BOP1: variants seen among roughly 807,000 people sequenced by gnomAD.
BOP1 encodes the protein ribosome biogenesis protein BOP1.
Under a neutral mutation model 82.9 loss-of-function variants are expected in BOP1, and 54 were observed. The ratio of observed to expected loss-of-function variants is 0.65; its 90% confidence interval spans 0.52 to 0.82. The LOEUF (loss-of-function observed/expected upper bound fraction) is 0.82, where lower values mean the gene tolerates loss of function less well. Ranked by LOEUF, BOP1 falls within the 40% of genes least tolerant of loss-of-function variation. The pLI, the probability that BOP1 is intolerant of heterozygous loss-of-function variation, is 0.00. For missense variants in BOP1, 1,170 were observed against 1,072.0 expected (o/e 1.09, Z -1.28); for synonymous variants, 566 against 451.1 (o/e 1.25, Z -3.23).
At chr8:144,270,201 G>A (rs976084583) in intron 3 of BOP1, among the ~76,000 whole-genome samples, 46 of 152,332 alleles carry the variant, frequency 3.0e-4, no homozygotes, top group African/African-American at 1.1e-3. Context: ...GGACAGGGCA[G>A]AGCCAGCTCA....
Position 144,264,824 on chromosome 8 carries a change from C to T in BOP1, c.553G>A (p.Val185Met), listed in dbSNP as rs1361900160. The change falls in exon 5 of 16, where the codon GTG (valine) becomes ATG (methionine). Residue 185 changes from valine to methionine, a missense_variant. Physicochemically the swap from Val to Met is conservative, Grantham distance 21. Coordinates refer to ENST00000569669, the MANE Select transcript of BOP1 (RefSeq NM_015201.5). ...TCCCGCCCTGTCATCGGGTCCTGCA[C>T]GGTGCGCCTGGAGACCGCCAGTCAG... is the stretch of plus-strand genomic sequence containing the variant. ...KMDDPDYWRT[V>M]QDPMTGRDLR... 2.6e-5 allele frequency: 42 copies of T among 1,609,128 alleles called. No homozygotes were observed. Among genetic ancestry groups the T allele is most frequent in the South Asian group, 1.4e-4 (13 of 90,816 alleles).
intron 2 of BOP1, among the ~76,000 whole-genome samples, chr8:144,288,242 C>T (rs1423172950): frequency 2.0e-5 from 3 of 150,164 alleles, no homozygotes; most frequent in Admixed American, 1.3e-4. Flanking sequence ...TGCACTCCAG[C>T]CTGGGCAACA....
In BOP1 at chr8:144,291,333, G is replaced by A. The variant is rs1250757615; in HGVS notation, c.38C>T (p.Pro13Leu). 1 of 1,419,094 alleles carries A rather than the reference G, an allele frequency of 7.0e-7. No individual in the cohort carries two copies. The highest frequency in any genetic ancestry group is 9.2e-7 in the Non-Finnish European group (1 of 1,083,460). 87.9% of individuals were successfully genotyped at this position (1,419,094 alleles called of 1,614,324 possible). Residue 13 changes from proline (P) to leucine (L), a missense_variant, in exon 1 of 16, where the codon CCG (proline) becomes CTG (leucine). Coordinates refer to ENST00000569669, the MANE Select transcript of BOP1 (RefSeq NM_015201.5). The surrounding 1 kb of genome is among the most constrained non-coding windows in gnomAD (Gnocchi z 4.1). ...GSRGAGRTAA[P>L]SVRPEKRRSE... ...CCGCCGCTTCTCCGGCCGCACGCTC[G>A]GCGCCGCCGTGCGCCCCGCACCCCG...
chr8:144,271,799 C>T (rs1588596142), intron 3 of BOP1, among the ~76,000 whole-genome samples: 1 of 152,294 alleles, frequency 6.6e-6, no homozygotes, highest in African/African-American at 2.4e-5. Context: ...CCAGCCCAGA[C>T]GCCCTCAGCT....
intron 3 of BOP1, among the ~76,000 whole-genome samples, chr8:144,274,353 C>T (rs1007829408): frequency 7.9e-5 from 12 of 152,200 alleles, no homozygotes; most frequent in Admixed American, 2.6e-4. Context: ...GGCTGCCTGA[C>T]GGGCCCTGCT....
chr8:144,265,120 C>G, intron 3 of BOP1, 49 bp from the exon 4 acceptor site: 1 of 1,581,486 alleles, frequency 6.3e-7, no homozygotes, highest in Non-Finnish European at 8.6e-7. Flanking sequence ...AAGGCCCACC[C>G]CCGCTTCGGG....
chr8:144,262,948 C>T lies in BOP1; in HGVS notation c.1799G>A (p.Arg600His), dbSNP rs1287824983. 2.3e-5 allele frequency: 36 copies of T among 1,546,510 alleles called. No homozygotes were observed. The highest frequency in any genetic ancestry group is 1.5e-4 in the Admixed American group (8 of 52,344). ...ARPFLLVASQ[R>H]SVRLYHLLRQ... ...CAGCAGGTGGTAGAGGCGGACGCTG[C>T]GCTGGGACGCCACCAACAGGAAGGG... The change falls in exon 13 of 16, where the codon CGC becomes CAC. Residue 600 changes from arginine (R) to histidine (H), a missense_variant. Coordinates refer to ENST00000569669, the MANE Select transcript of BOP1 (RefSeq NM_015201.5).
In BOP1 at chr8:144,276,244, C is replaced by G; in HGVS notation, c.370G>C (p.Glu124Gln). The G allele has an allele frequency of 6.2e-7, 1 of 1,613,596 alleles. No homozygotes were observed. Among genetic ancestry groups the G allele is most frequent in the Non-Finnish European group, 8.5e-7 (1 of 1,179,822 alleles). Residue 124 changes from glutamate to glutamine, a missense_variant, in exon 3 of 16, where the codon GAG becomes CAG. Glu to Gln is a conservative substitution (Grantham distance 29). Coordinates refer to ENST00000569669, the MANE Select transcript of BOP1 (RefSeq NM_015201.5). ...CCTACCTCCTCATCAGAGCTGTCCT[C>G]CGCATACTCATCCCCAATCCGGGCG... is the stretch of plus-strand genomic sequence containing the variant. ...ASARIGDEYA[E>Q]DSSDEEDIRN...
Position 144,264,037 on chromosome 8 carries a change from C to A in BOP1, c.1084G>T (p.Glu362Ter). The A allele has an allele frequency of 1.2e-6, 2 of 1,609,750 alleles. No individual in the cohort carries two copies. The highest frequency in any genetic ancestry group is 8.5e-7 in the Non-Finnish European group (1 of 1,179,792). ...AVPAYGRFIQ[E>*]RFERCLDLYL... ...AGGTCAAGGCAGCGCTCGAAGCGTT[C>A]CTGGATGAAGCGTCCGTAGGCAGGC... is the stretch of plus-strand genomic sequence containing the variant. Residue 362 changes from glutamate (E) to a stop codon, truncating the protein, a stop_gained, in exon 8 of 16, where the codon GAA (glutamate) becomes TAA (stop). Coordinates refer to ENST00000569669, the MANE Select transcript of BOP1 (RefSeq NM_015201.5). LOFTEE classifies it high-confidence loss of function.
intron 2 of BOP1, among the ~76,000 whole-genome samples, chr8:144,283,744 G>A (rs782390975): frequency 5.3e-5 from 8 of 152,258 alleles, no homozygotes; most frequent in Non-Finnish European, 1.2e-4. Context: ...GGCTGGTGGT[G>A]GGAAAGCAGC....
At position 144,263,973 on chromosome 8, in the gene BOP1, C is replaced by A; in HGVS notation, c.1140+8G>T. ...GTGCCACCCCCCTGGTGTGCCACCC[C>A]CACACACCCTCATCTTGCGCTGCCG... is the stretch of plus-strand genomic sequence containing the variant. On this transcript the variant is annotated splice_region_variant and intron_variant, in intron 8 of 15. Coordinates refer to ENST00000569669, the MANE Select transcript of BOP1 (RefSeq NM_015201.5). 6.2e-7 allele frequency: 1 copy of A among 1,610,880 alleles called. No homozygotes were observed. Among genetic ancestry groups the A allele is most frequent in the Non-Finnish European group, 8.5e-7 (1 of 1,179,724 alleles).
intron 3 of BOP1, among the ~76,000 whole-genome samples, chr8:144,270,300 G>C (rs1263248496): frequency 6.6e-6 from 1 of 152,158 alleles, no homozygotes; most frequent in Non-Finnish European, 1.5e-5. Context: ...GGGAGTGCAG[G>C]GGAAAGAGAC....
intron 2 of BOP1, among the ~76,000 whole-genome samples, chr8:144,282,726 C>A (rs1384580284): frequency 6.6e-6 from 1 of 152,072 alleles, no homozygotes; most frequent in East Asian, 1.9e-4. Context: ...CCTCTGACCA[C>A]CCCCCAGACA....
chr8:144,262,488 A>G lies in BOP1; in HGVS notation c.1995T>C (p.Ala665=), dbSNP rs1845226699. 1.2e-6 allele frequency: 2 copies of G among 1,612,534 alleles called. No homozygotes were observed. The highest frequency in any genetic ancestry group is 1.3e-5 in the African/African-American group (1 of 74,840). ...PYRMLRHHKK[A]LRAVAFHPRY... is the part of the protein sequence containing the mutation. ...GCGGGTGGAAGGCCACAGCCCGCAGAGCCTTCTTGTGGTGTCTGGGGGGAG... is the reference window on the plus strand; with the variant it reads ...GCGGGTGGAAGGCCACAGCCCGCAGGGCCTTCTTGTGGTGTCTGGGGGGAG... The change falls in exon 15 of 16, where the codon GCT becomes GCC. Residue 665 remains alanine, a synonymous_variant. Coordinates refer to ENST00000569669, the MANE Select transcript of BOP1 (RefSeq NM_015201.5).
At chr8:144,280,158 A>C (rs1331864309) in intron 2 of BOP1, among the ~76,000 whole-genome samples, 8 of 152,186 alleles carry the variant, frequency 5.3e-5, no homozygotes, top group African/African-American at 1.7e-4. Context: ...TGACTCCCCC[A>C]TGGGGGCCAA....
intron 2 of BOP1, 71 bp downstream of exon 2, chr8:144,289,024 G>A: frequency 6.6e-7 from 1 of 1,517,230 alleles, no homozygotes; most frequent in Non-Finnish European, 9.1e-7. Context: ...GCAGTACAGT[G>A]GCAGTCTCAG....
At chr8:144,279,074 G>A (rs1039511657) in intron 2 of BOP1, among the ~76,000 whole-genome samples, 1 of 103,678 alleles carries the variant, frequency 9.6e-6, no homozygotes, top group East Asian at 2.3e-4. Context: ...AGACCACCAC[G>A]GGCCATGACC....
At chr8:144,266,284 T>A (rs1042136679) in intron 3 of BOP1, among the ~76,000 whole-genome samples, 7 of 151,924 alleles carry the variant, frequency 4.6e-5, no homozygotes, top group Admixed American at 4.6e-4. Flanking sequence ...GACGGAACGA[T>A]GCCCCCAAAG....
At chr8:144,277,814 C>T (rs949250389) in intron 2 of BOP1, among the ~76,000 whole-genome samples, 1 of 152,196 alleles carries the variant, frequency 6.6e-6, no homozygotes, top group Non-Finnish European at 1.5e-5. Context: ...CGGGCAGGGG[C>T]GGTGCGGGCA....
Sources: gnomAD v4.1 joint callset for allele counts (sites outside exome capture counted in the v4.1 genomes callset) on GRCh38, gnomAD v4.1.1 for gene constraint, Gnocchi (gnomAD v3.1) non-coding constraint, MANE v1.5 for transcripts, NCBI Gene and HGNC (gene_info 2026-07-23, HGNC 2026-07-21) for gene names.